PLA2G4E: variants seen among roughly 807,000 people sequenced by gnomAD.
PLA2G4E encodes the protein phospholipase A2 group IVE, also known as cytosolic phospholipase A2 epsilon.
PLA2G4E carries 84 observed loss-of-function variants against 109.1 expected under a neutral mutation model. That is an observed-to-expected ratio of 0.77 (90% confidence interval 0.65 to 0.92). The LOEUF (loss-of-function observed/expected upper bound fraction) is 0.92, where lower values mean the gene tolerates loss of function less well. Ranked by LOEUF, PLA2G4E falls within the 40% of genes least tolerant of loss-of-function variation. The probability of loss-of-function intolerance (pLI) is 0.00; values close to 1 mark genes in which losing one functional copy is unlikely to be tolerated. For missense variants in PLA2G4E, 1,057 were observed against 1,076.6 expected (o/e 0.98, Z 0.25); for synonymous variants, 469 against 436.1 (o/e 1.08, Z -0.94).
exon 13 of PLA2G4E, chr15:41,992,861 G>A: frequency 1.2e-6 from 2 of 1,614,026 alleles, no homozygotes; most frequent in Non-Finnish European, 1.7e-6. Flanking sequence ...GAACAGGGAG[G>A]GTAGCTTGTC....
chr15:42,037,355 G>A (rs947848830), intron 1 of PLA2G4E, among the ~76,000 whole-genome samples: 3 of 152,258 alleles, frequency 2.0e-5, no homozygotes, highest in African/African-American at 7.2e-5. Flanking sequence ...GGCTCAGCCA[G>A]AGCAGAGCGG....
intron 2 of PLA2G4E, among the ~76,000 whole-genome samples, chr15:42,011,004 T>C (rs1347292952): frequency 6.6e-6 from 1 of 152,202 alleles, no homozygotes; most frequent in Non-Finnish European, 1.5e-5. Flanking sequence ...GACATCGGGA[T>C]AGTCTTAATC....
exon 20 of PLA2G4E, chr15:41,983,859 C>G: frequency 1.9e-6 from 3 of 1,613,172 alleles, no homozygotes; most frequent in Non-Finnish European, 1.7e-6. Context: ...CTGAGAGTTT[C>G]ACCAGCTTGT....
Position 41,984,735 on chromosome 15 carries a change from T to C in PLA2G4E, c.2203-116A>G, listed in dbSNP as rs950196563. On this transcript the variant is annotated intron_variant, in intron 18 of 19. Coordinates refer to ENST00000399518, the Ensembl canonical transcript of PLA2G4E. Reference sequence around the variant, plus strand: ...CCAGCTAACAACTCAGCTCCCCAACTGCTTTGCCAGTGTATGGTATTTTGA... The same window carrying C: ...CCAGCTAACAACTCAGCTCCCCAACCGCTTTGCCAGTGTATGGTATTTTGA... 3 of 1,002,796 alleles carry C rather than the reference T, an allele frequency of 3.0e-6. No homozygotes were observed. The Admixed American group carries it at 8.9e-5, about 30-fold the overall frequency. The allele number at this position is 1,002,796 out of a possible 1,614,324, so 62.1% of individuals were successfully genotyped here.
At chr15:41,987,372 T>C in exon 17 of PLA2G4E, 3 of 1,612,910 alleles carry the variant, frequency 1.9e-6, no homozygotes, top group Non-Finnish European at 2.5e-6. Context: ...GATCGGCTCG[T>C]CTTCTGCAGG....
intron 18 of PLA2G4E, 145 bp from the exon 19 acceptor site, chr15:41,984,764 T>A: frequency 1.3e-6 from 1 of 744,544 alleles, no homozygotes. Flanking sequence ...ATTTTGAGAC[T>A]AAAGCCAGGT....
At chr15:42,049,906 C>T (rs1219035258) in intron 1 of PLA2G4E, among the ~76,000 whole-genome samples, 1 of 152,236 alleles carries the variant, frequency 6.6e-6, no homozygotes, top group Non-Finnish European at 1.5e-5. Context: ...CTGATAATTA[C>T]CTTCAGATGC....
chr15:41,997,498 T>A (rs2068361162), intron 10 of PLA2G4E: 1 of 357,386 alleles, frequency 2.8e-6, no homozygotes, highest in African/African-American at 2.1e-5. Flanking sequence ...GCTGGCACAA[T>A]GCGAGCTGGT....
chr15:42,021,762 G>A (rs954385952), intron 1 of PLA2G4E, among the ~76,000 whole-genome samples: 1 of 152,178 alleles, frequency 6.6e-6, no homozygotes, highest in African/African-American at 2.4e-5. Flanking sequence ...GGGCAGCTTT[G>A]CCTGTTCTGC....
intron 2 of PLA2G4E, among the ~76,000 whole-genome samples, chr15:42,008,546 C>A (rs926483026): frequency 3.3e-5 from 5 of 152,210 alleles, no homozygotes; most frequent in African/African-American, 1.2e-4. Context: ...AATGAACAAC[C>A]CAAGTGTGAT....
At chr15:42,037,109 G>A (rs1275837134) in intron 1 of PLA2G4E, among the ~76,000 whole-genome samples, 1 of 152,242 alleles carries the variant, frequency 6.6e-6, no homozygotes, top group Non-Finnish European at 1.5e-5. Flanking sequence ...GGGGACTGAG[G>A]GCAGCTCCGT....
intron 2 of PLA2G4E, chr15:42,010,142 C>CCT: frequency 2.2e-6 from 1 of 454,254 alleles, no homozygotes; most frequent in African/African-American, 2.3e-5. Flanking sequence ...GCCCCCCCAC[C>CCT]CCGGGCCTGG....
At chr15:42,038,762 T>C (rs1328433697) in intron 1 of PLA2G4E, among the ~76,000 whole-genome samples, 2 of 152,220 alleles carry the variant, frequency 1.3e-5, no homozygotes, top group East Asian at 1.9e-4. Flanking sequence ...CACTTTCTTG[T>C]ACATGTCATG....
At chr15:42,000,029 G>A in intron 8 of PLA2G4E, 29 bp from the exon 9 acceptor site, 1 of 1,590,474 alleles carries the variant, frequency 6.3e-7, no homozygotes, top group Non-Finnish European at 8.6e-7. Context: ...TCTGTGAGAG[G>A]GGCTGGGGAG....
chr15:41,989,324 G>T, intron 15 of PLA2G4E, 91 bp downstream of exon 15: 1 of 1,530,182 alleles, frequency 6.5e-7, no homozygotes, highest in Non-Finnish European at 8.9e-7. Flanking sequence ...GCTGGCAAGT[G>T]CCCCGAGTGT....
At chr15:41,984,512 G>A (rs773311893) in exon 19 of PLA2G4E, 29 of 1,613,844 alleles carry the variant, frequency 1.8e-5, no homozygotes, top group Admixed American at 5.0e-5. Context: ...GTTCCTGGGG[G>A]TTCTCCATCA....
chr15:42,024,555 A>G (rs1345412327), intron 1 of PLA2G4E, among the ~76,000 whole-genome samples: 2 of 152,068 alleles, frequency 1.3e-5, no homozygotes, highest in Non-Finnish European at 2.9e-5. Flanking sequence ...TGAAAAGCAC[A>G]TTCCTCCCAG....
At chr15:41,995,856 C>A (rs2068330933) in intron 11 of PLA2G4E, among the ~76,000 whole-genome samples, 1 of 152,194 alleles carries the variant, frequency 6.6e-6, no homozygotes, top group African/African-American at 2.4e-5. Context: ...AAGAACCCTA[C>A]TAATGTGCGA....
At chr15:41,989,698 G>C in intron 14 of PLA2G4E, 146 bp from the exon 15 acceptor site, 1 of 1,123,814 alleles carries the variant, frequency 8.9e-7, no homozygotes, top group South Asian at 1.7e-5. Flanking sequence ...GACACATGGG[G>C]GCACCCTTGG....
Sources: allele counts gnomAD v4.1 joint callset (sites outside exome capture counted in the v4.1 genomes callset), GRCh38; gene constraint gnomAD v4.1.1; transcripts MANE v1.5; gene names NCBI Gene and HGNC (gene_info 2026-07-23, HGNC 2026-07-21).